NOM1: variants seen among roughly 807,000 people sequenced by gnomAD.
NOM1 encodes the protein nucleolar MIF4G domain-containing protein 1.
A neutral mutation model predicts 73.3 loss-of-function variants in NOM1; 58 were observed. The observed-to-expected ratio is 0.79, with a 90% CI of 0.64 to 0.99. The LOEUF (loss-of-function observed/expected upper bound fraction) is 0.99. Among genes scored for constraint, NOM1 ranks in the 50% least tolerant of loss-of-function variants. NOM1 has a pLI of 0.00. For missense variants in NOM1, 1,226 were observed against 1,131.9 expected, an observed-to-expected ratio of 1.08 and a Z score of -1.19; for synonymous variants, 487 against 446.8, an observed-to-expected ratio of 1.09 and a Z score of -1.14.
At chr7:156,959,249 T>C (rs1443426849) in intron 3 of NOM1, among the ~76,000 whole-genome samples, 1 of 151,360 alleles carries the variant, frequency 6.6e-6, no homozygotes, top group African/African-American at 2.4e-5. Flanking sequence ...ATTACAGGCA[T>C]ATGCCACCAC....
At chr7:156,957,165 G>T (rs1011244094) in intron 3 of NOM1, among the ~76,000 whole-genome samples, 2 of 152,190 alleles carry the variant, frequency 1.3e-5, no homozygotes, top group African/African-American at 4.8e-5. Flanking sequence ...ACTTCTGCCA[G>T]CGTGTGATGA....
chr7:156,959,264 G>A (rs1291666564), intron 3 of NOM1, among the ~76,000 whole-genome samples: 3 of 152,000 alleles, frequency 2.0e-5, no homozygotes, highest in African/African-American at 7.3e-5. Context: ...CACCACGCCC[G>A]GCTAATTTTT....
intron 4 of NOM1, among the ~76,000 whole-genome samples, chr7:156,961,804 G>A (rs543195470): frequency 3.4e-4 from 51 of 152,202 alleles, no homozygotes; most frequent in African/African-American, 1.2e-3. Flanking sequence ...AGAGCAGGTC[G>A]CGGGGGGCCA....
Position 156,959,884 on chromosome 7 carries a change from A to G in NOM1, c.1342A>G (p.Lys448Glu). 2 of 1,614,190 alleles carry G rather than the reference A, an allele frequency of 1.2e-6. No homozygotes were observed. Among genetic ancestry groups the G allele is most frequent in the Non-Finnish European group, 1.7e-6 (2 of 1,180,038 alleles). ...CCACTTTCTGGAGGCAGTGGTGAGG[A>G]AGTTCGATGCCATCTATAAATACGG... ...GAHFLEAVVRKFDAIYKYGSE... is the reference protein window; with the variant it reads ...GAHFLEAVVREFDAIYKYGSE... The change falls in exon 4 of 11, where the codon AAG becomes GAG. Residue 448 changes from lysine (K) to glutamate (E), a missense_variant. By Grantham distance (56) the Lys-to-Glu change is moderately conservative (BLOSUM62 1). Coordinates refer to ENST00000275820, the MANE Select transcript of NOM1 (RefSeq NM_138400.2).
intron 1 of NOM1, 39 bp downstream of exon 1, chr7:156,950,763 T>A: frequency 6.6e-7 from 1 of 1,508,926 alleles, no homozygotes; most frequent in Non-Finnish European, 8.9e-7. Context: ...TGGGATTTCC[T>A]TCAAAATAAC....
At chr7:156,963,857 G>C (rs768764226) in intron 6 of NOM1, 48 bp from the exon 7 acceptor site, 1 of 1,586,036 alleles carries the variant, frequency 6.3e-7, no homozygotes, top group Non-Finnish European at 8.6e-7. Flanking sequence ...TCGGGAGGCA[G>C]TTTGCATGGA....
Position 156,969,641 on chromosome 7 carries a change from C to A in NOM1, c.2521C>A (p.Leu841Met), listed in dbSNP as rs141627814. The change falls in exon 11 of 11, where the codon CTG becomes ATG. Residue 841 changes from leucine (L) to methionine (M), a missense_variant. Physicochemically the swap from Leu to Met is conservative, Grantham distance 15 (BLOSUM62 2). Coordinates refer to ENST00000275820, the MANE Select transcript of NOM1 (RefSeq NM_138400.2). ...CAGAAGCGCCGACGAAGCCAACGTG[C>A]TGAGAGAGAAAGCTGACCTTGCAAC... ...AHRSADEANV[L>M]REKADLATKC... 218 of 1,613,702 alleles carry A rather than the reference C, an allele frequency of 1.4e-4. No individual in the cohort carries two copies. The highest frequency in any genetic ancestry group is 1.1e-4 in the Non-Finnish European group (126 of 1,179,840).
intron 3 of NOM1, among the ~76,000 whole-genome samples, chr7:156,959,230 G>A (rs1178758742): frequency 6.6e-6 from 1 of 151,798 alleles, no homozygotes; most frequent in African/African-American, 2.4e-5. Flanking sequence ...AGCCTCCCAA[G>A]CAGCTGGGAT....
At position 156,949,757 on chromosome 7, in the gene NOM1, CG is replaced by C; in HGVS notation, c.23del (p.Gly8GlufsTer15). MAASRS[A>X]GEAGPGGSQG... ...CGAAAGATGGCGGCGTCCAGGAGCG[CG>C]GGAGAGGCCGGCCCGGGCGGCTCCC... On this transcript the variant is annotated frameshift_variant, in exon 1 of 11. Transcript: ENST00000275820. LOFTEE classifies it high-confidence loss of function. The C allele has an allele frequency of 7.2e-7, 1 of 1,393,940 alleles. No homozygotes were observed. The highest frequency in any genetic ancestry group is 9.3e-7 in the Non-Finnish European group (1 of 1,079,658). 86.3% of individuals were successfully genotyped at this position (1,393,940 alleles called of 1,614,324 possible).
intron 7 of NOM1, 72 bp from the exon 8 acceptor site, chr7:156,966,198 C>A: frequency 6.3e-7 from 1 of 1,578,832 alleles, no homozygotes. Flanking sequence ...GGAAGATGTT[C>A]CCCTGAAAGG....
At chr7:156,954,519 A>ATTTTTTTTTTTTTTTTTTT (rs1804671935) in intron 3 of NOM1, among the ~76,000 whole-genome samples, 1 of 97,082 alleles carries the variant, frequency 1.0e-5, no homozygotes, top group Non-Finnish European at 2.0e-5. Flanking sequence ...TGTTCTGTCC[A>ATTTTTTTTTTTTTTTTTTT]TTCTTTTTTT....
intron 6 of NOM1, 131 bp downstream of exon 6, chr7:156,963,306 G>C: frequency 1.1e-6 from 1 of 873,036 alleles, no homozygotes; most frequent in East Asian, 2.6e-5. Flanking sequence ...TTATCTGGAG[G>C]CCTTACAGAA....
In NOM1 at chr7:156,971,554, G is replaced by A. The variant is rs1409242347; in HGVS notation, c.*1851G>A. 7.0e-6 allele frequency: 1 copy of A among 141,878 alleles called. No individual in the cohort carries two copies. Among genetic ancestry groups the A allele is most frequent in the African/African-American group, 2.6e-5 (1 of 38,398 alleles). 8.8% of individuals were successfully genotyped at this position (141,878 alleles called of 1,614,324 possible). A position where few individuals can be genotyped will look rare whatever the true frequency, so the allele number is the denominator to read the frequency against. Reference sequence around the variant, plus strand: ...AGCAGTAGAGACAAGATCTCCGTATGTTATACAGGCTGGCCTCAAGTGATC... The same window carrying A: ...AGCAGTAGAGACAAGATCTCCGTATATTATACAGGCTGGCCTCAAGTGATC... On this transcript the variant is annotated 3_prime_UTR_variant, in exon 11 of 11. Transcript: ENST00000275820.
At position 156,970,635 on chromosome 7, in the gene NOM1, C is replaced by T. The variant is rs1235835518; in HGVS notation, c.*932C>T. ...GCAAGGCTGGTCTTGAACTCCTGAC[C>T]TCAGGTGATACACCCATCTCGGCCT... On this transcript the variant is annotated 3_prime_UTR_variant, in exon 11 of 11. Coordinates refer to ENST00000275820, the MANE Select transcript of NOM1 (RefSeq NM_138400.2). The T allele has an allele frequency of 6.6e-6, 1 of 152,034 alleles. No homozygotes were observed. The highest frequency in any genetic ancestry group is 2.4e-5 in the African/African-American group (1 of 41,362). The allele number at this position is 152,034 out of a possible 1,614,324, so 9.4% of individuals were successfully genotyped here. A position where few individuals can be genotyped will look rare whatever the true frequency, so the allele number is the denominator to read the frequency against.
intron 3 of NOM1, 55 bp from the exon 4 acceptor site, chr7:156,959,796 G>A: frequency 1.3e-6 from 2 of 1,523,214 alleles, no homozygotes; most frequent in Non-Finnish European, 1.8e-6. Flanking sequence ...TGTGTTGAAG[G>A]AGAAAGGAAG....
In NOM1 at chr7:156,954,289, T is replaced by TGGAATC. The variant is rs758868860; in HGVS notation, c.1301_1306dup (p.Gly434_Ile435dup). ...TAGTCAGCATCCTTCACCACACAGT[T>TGGAATC]GGAATCGAGGTACAGTTGTACCTTT... On this transcript the variant is annotated inframe_insertion, in exon 3 of 11. Coordinates refer to ENST00000275820, the MANE Select transcript of NOM1 (RefSeq NM_138400.2). 5 of 1,592,316 alleles carry TGGAATC rather than the reference T, an allele frequency of 3.1e-6. No homozygotes were observed. The South Asian group carries it at 5.7e-5, about 18-fold the overall frequency.
chr7:156,967,422 T>G (rs1805025343), intron 9 of NOM1, among the ~76,000 whole-genome samples: 1 of 152,226 alleles, frequency 6.6e-6, no homozygotes, highest in African/African-American at 2.4e-5. Context: ...CCTGGTCTCC[T>G]TAGAGGTGAG....
At position 156,949,875 on chromosome 7, in the gene NOM1, G is replaced by A. The variant is rs1262912941; in HGVS notation, c.138G>A (p.Lys46=). 15 of 1,526,520 alleles carry A rather than the reference G, an allele frequency of 9.8e-6. No individual in the cohort carries two copies. The Admixed American group carries it at 1.8e-4, about 19-fold the overall frequency. 94.6% of individuals were successfully genotyped at this position (1,526,520 alleles called of 1,614,324 possible). A position where few individuals can be genotyped will look rare whatever the true frequency, so the allele number is the denominator to read the frequency against. ...GGGAGAAGGCCCTGAAGAGGCTGAA[G>A]CTAGCGGTGGAGGAGTTCGTGCACG... is the stretch of plus-strand genomic sequence containing the variant. ...GGGEKALKRL[K]LAVEEFVHAT... The change falls in exon 1 of 11, where the codon AAG becomes AAA. Residue 46 remains lysine (K), a synonymous_variant. Coordinates refer to ENST00000275820, the MANE Select transcript of NOM1 (RefSeq NM_138400.2).
intron 4 of NOM1, among the ~76,000 whole-genome samples, chr7:156,960,810 G>A (rs1367964149): frequency 6.6e-6 from 1 of 152,198 alleles, no homozygotes; most frequent in South Asian, 2.1e-4. Context: ...GGCAGAAAGA[G>A]GCATGAGGTG....
Sources: allele counts gnomAD v4.1 joint callset (sites outside exome capture counted in the v4.1 genomes callset), GRCh38; gene constraint gnomAD v4.1.1; transcripts MANE v1.5; gene names NCBI Gene and HGNC (gene_info 2026-07-23, HGNC 2026-07-21).